The following DAB1 variants were observed in gnomAD, a reference collection of about 807,000 sequenced individuals.
DAB1 encodes the protein DAB adaptor protein 1.
In DAB1, 15 loss-of-function variants were observed where a neutral mutation model predicts 64.6. The ratio of observed to expected loss-of-function variants is 0.23; its 90% CI spans 0.16 to 0.36. DAB1 has a LOEUF of 0.36. Among genes scored for constraint, DAB1 ranks in the 10% least tolerant of loss-of-function variants. DAB1 has a pLI of 1.00. For synonymous variants in DAB1, 235 were observed against 251.9 expected (o/e 0.93, Z 0.64); for missense variants, 596 against 706.7 (o/e 0.84, Z 1.78).
chr1:58,128,057 C>T (rs1653254465), intron 5 of DAB1, among the ~76,000 whole-genome samples: 1 of 150,636 alleles, frequency 6.6e-6, no homozygotes, highest in Non-Finnish European at 1.5e-5. Flanking sequence ...GGCAGTATGG[C>T]CATTTTCACG....
intron 3 of DAB1, among the ~76,000 whole-genome samples, chr1:58,467,266 T>C (rs943031058): frequency 5.3e-5 from 8 of 152,234 alleles, no homozygotes; most frequent in Non-Finnish European, 1.0e-4. Flanking sequence ...CATCAGGCCC[T>C]GTGGCCTGGA....
At chr1:57,368,796 A>G (rs1680266395) in intron 1 of DAB1, among the ~76,000 whole-genome samples, 1 of 152,182 alleles carries the variant, frequency 6.6e-6, no homozygotes, top group African/African-American at 2.4e-5. Flanking sequence ...CCACTGGCCA[A>G]CAAAGGTTTC....
At chr1:58,260,577 A>G (rs1661026602) in intron 4 of DAB1, among the ~76,000 whole-genome samples, 1 of 151,306 alleles carries the variant, frequency 6.6e-6, no homozygotes, top group Non-Finnish European at 1.5e-5. Flanking sequence ...GACCTCCCCA[A>G]CTCCAAGTCT....
At chr1:57,896,008 C>T (rs1216812352) in intron 5 of DAB1, among the ~76,000 whole-genome samples, 2 of 152,124 alleles carry the variant, frequency 1.3e-5, no homozygotes, top group East Asian at 3.8e-4. Context: ...TCAACCTAGC[C>T]CCAGGCTAGC....
At chr1:58,535,582 C>CTG (rs1646503407) in intron 1 of DAB1, among the ~76,000 whole-genome samples, 1 of 120,966 alleles carries the variant, frequency 8.3e-6, no homozygotes, top group Non-Finnish European at 1.6e-5. Flanking sequence ...GGTGACAGAG[C>CTG]AAGTCTCTGT....
rs141782924 is a variant in DAB1, at chr1:57,104,990, G to C, written c.306+31553C>G. On this transcript the variant is annotated intron_variant, in intron 4 of 14. Coordinates refer to ENST00000371236, the MANE Select transcript of DAB1 (RefSeq NM_001365792.1). ...AGCCTTTTTCCCAGGGCTGTCTCTA[G>C]GTTAAGTACCCTTGCAGTAAACTCC... Among the ~76,000 whole-genome samples, 364 of 152,200 alleles carry C rather than the reference G, an allele frequency of 2.4e-3. 1 individual carries two copies. Among genetic ancestry groups the C allele is most frequent in the African/African-American group, 8.4e-3 (348 of 41,532 alleles).
intron 3 of DAB1, among the ~76,000 whole-genome samples, chr1:58,461,078 C>T (rs1226116137): frequency 2.0e-5 from 3 of 152,208 alleles, no homozygotes; most frequent in Non-Finnish European, 4.4e-5. Context: ...CTGGTTATCC[C>T]AGTGGGCTGG....
chr1:57,823,687 G>A (rs1194535766), downstream of DAB1, among the ~76,000 whole-genome samples: 1 of 152,128 alleles, frequency 6.6e-6, no homozygotes, highest in African/African-American at 2.4e-5. Flanking sequence ...GACTTGCCAG[G>A]GATTGATGTA....
chr1:57,057,216 G>A (rs1373751822), intron 9 of DAB1, among the ~76,000 whole-genome samples: 1 of 152,040 alleles, frequency 6.6e-6, no homozygotes, highest in Non-Finnish European at 1.5e-5. Flanking sequence ...CAAAATAATG[G>A]GGTCACAGAA....
At chr1:58,538,879 G>A in intron 1 of DAB1, 1 of 872,810 alleles carries the variant, frequency 1.1e-6, no homozygotes, top group Non-Finnish European at 2.0e-6. Context: ...AAACCGTGGA[G>A]AAGTATGGAA....
At chr1:57,583,947 A>C (rs983168639) in intron 7 of DAB1, among the ~76,000 whole-genome samples, 2 of 152,196 alleles carry the variant, frequency 1.3e-5, no homozygotes, top group Non-Finnish European at 2.9e-5. Context: ...CTGCTATAGA[A>C]TCTGTTAAAG....
At chr1:57,129,630 G>A (rs915424646) in intron 4 of DAB1, among the ~76,000 whole-genome samples, 6 of 152,144 alleles carry the variant, frequency 3.9e-5, no homozygotes, top group African/African-American at 1.2e-4. Flanking sequence ...CAATGTTCAA[G>A]TCTAGGATTT....
intron 2 of DAB1, among the ~76,000 whole-genome samples, chr1:57,163,496 C>T (rs889155202): frequency 5.9e-5 from 9 of 151,806 alleles, no homozygotes; most frequent in Non-Finnish European, 8.8e-5. Context: ...AGGGCTCCCT[C>T]GTGTGCTGCT....
At chr1:57,255,974 T>C (rs2100538100) in intron 2 of DAB1, among the ~76,000 whole-genome samples, 1 of 152,340 alleles carries the variant, frequency 6.6e-6, no homozygotes, top group South Asian at 2.1e-4. Context: ...ATATCTTAAA[T>C]CAGCAGTGAA....
At chr1:57,243,063 C>T (rs1308172639) in intron 2 of DAB1, among the ~76,000 whole-genome samples, 6 of 152,142 alleles carry the variant, frequency 3.9e-5, no homozygotes, top group Admixed American at 1.3e-4. Flanking sequence ...GGTCCTAAAG[C>T]GGATACTCTG....
intron 6 of DAB1, among the ~76,000 whole-genome samples, chr1:57,696,630 A>T (rs115559010): frequency 1.1e-4 from 16 of 152,286 alleles, no homozygotes; most frequent in African/African-American, 3.6e-4. Context: ...GGCTCTGGGC[A>T]GAGCTCAGTT....
chr1:57,220,549 A>G (rs1455810714), intron 2 of DAB1, among the ~76,000 whole-genome samples: 1 of 152,244 alleles, frequency 6.6e-6, no homozygotes, highest in Non-Finnish European at 1.5e-5. Flanking sequence ...ACAGAGCCTT[A>G]GAGAAGTTAT....
chr1:58,139,211 T>A (rs1654139402), intron 5 of DAB1, among the ~76,000 whole-genome samples: 1 of 152,164 alleles, frequency 6.6e-6, no homozygotes, highest in Admixed American at 6.5e-5. Flanking sequence ...TCATTTCCCC[T>A]GCCCCAAGAT....
chr1:58,037,230 G>A (rs1191744925), intron 5 of DAB1, among the ~76,000 whole-genome samples: 1 of 152,140 alleles, frequency 6.6e-6, no homozygotes, highest in East Asian at 1.9e-4. Context: ...CACCTGGGAG[G>A]GTATTTATCC....
Sources: gnomAD v4.1 joint callset for allele counts (sites outside exome capture counted in the v4.1 genomes callset) on GRCh38, gnomAD v4.1.1 for gene constraint, MANE v1.5 for transcripts, NCBI Gene and HGNC (gene_info 2026-07-23, HGNC 2026-07-21) for gene names.